The following FAM107A variants were observed in gnomAD, a reference collection of about 807,000 sequenced individuals.
FAM107A encodes actin-associated protein FAM107A.
In FAM107A, 19 loss-of-function variants were observed where a neutral mutation model predicts 13.7. That is an observed-to-expected ratio of 1.38 (90% confidence interval 0.97 to 2.03). The LOEUF (loss-of-function observed/expected upper bound fraction) is 2.03, where lower values mean the gene tolerates loss of function less well. Ranked by LOEUF, FAM107A falls within the 30% of genes most tolerant of loss-of-function variation. The pLI is 0.00. For missense variants in FAM107A, 203 were observed against 184.4 expected (o/e 1.10, Z -0.58); for synonymous variants, 82 against 74.5 (o/e 1.10, Z -0.52).
At position 58,566,534 on chromosome 3, in the gene FAM107A, TGAA is replaced by T; in HGVS notation, c.*51_*53del. The T allele has an allele frequency of 7.6e-7, 1 of 1,320,262 alleles. No homozygotes were observed. The highest frequency in any genetic ancestry group is 1.1e-6 in the Non-Finnish European group (1 of 915,984). The allele number at this position is 1,320,262 out of a possible 1,614,324, so 81.8% of individuals were successfully genotyped here. ...CCAGGGCTGCCAGGTACAGAAGGGC[TGAA>T]GGAGGCTGTCCAGGCCAGGGTGGGC... On this transcript the variant is annotated 3_prime_UTR_variant, in exon 4 of 4. Transcript: ENST00000360997.
chr3:58,589,169 C>A (rs1313873412), upstream of FAM107A: 1 of 1,384,520 alleles, frequency 7.2e-7, no homozygotes, highest in East Asian at 2.5e-5. Context: ...GGGATGGACT[C>A]TGGCCGCACC....
chr3:58,623,230 T>G (rs1184913269), intron 1 of FAM107A, among the ~76,000 whole-genome samples: 2 of 152,210 alleles, frequency 1.3e-5, no homozygotes, highest in East Asian at 3.8e-4. Context: ...TTTTTTCCCC[T>G]TTTGTTTCAG....
chr3:58,571,526 T>C (rs2063683805), intron 1 of FAM107A, among the ~76,000 whole-genome samples: 1 of 152,184 alleles, frequency 6.6e-6, no homozygotes, highest in South Asian at 2.1e-4. Context: ...TAAAAAGTGA[T>C]CATAATAGTA....
intron 1 of FAM107A, among the ~76,000 whole-genome samples, chr3:58,606,107 T>A (rs1326566934): frequency 6.6e-6 from 1 of 152,146 alleles, no homozygotes; most frequent in African/African-American, 2.4e-5. Context: ...TTTTTGTTTG[T>A]TTGTTTGAGA....
At chr3:58,610,844 G>T (rs915741890) in intron 1 of FAM107A, among the ~76,000 whole-genome samples, 1 of 152,172 alleles carries the variant, frequency 6.6e-6, no homozygotes, top group African/African-American at 2.4e-5. Context: ...AGATAATGCT[G>T]CCTCTGGTCT....
chr3:58,583,125 A>G lies in FAM107A; in HGVS notation c.79+3733T>C, dbSNP rs530751153. Among the ~76,000 whole-genome samples, 5 of 152,262 alleles carry G rather than the reference A, an allele frequency of 3.3e-5. No homozygotes were observed. In the South Asian group the frequency reaches 1.0e-3, roughly 32 times the overall value. Reference sequence around the variant, plus strand: ...AGCATTCAAGATTTTCATCCAACTGAAAAAAGTGGAATTAAAGACTAGAGT... The same window carrying G: ...AGCATTCAAGATTTTCATCCAACTGGAAAAAGTGGAATTAAAGACTAGAGT... On this transcript the variant is annotated intron_variant, in intron 1 of 3. Transcript: ENST00000447756.
upstream of FAM107A, among the ~76,000 whole-genome samples, chr3:58,589,495 T>TA (rs1333412878): frequency 6.6e-6 from 1 of 152,134 alleles, no homozygotes; most frequent in African/African-American, 2.4e-5. Flanking sequence ...TGCTCTTTTT[T>TA]AAAAAATAAA....
At chr3:58,586,920 C>T in exon 1 of FAM107A, 2 of 1,532,124 alleles carry the variant, frequency 1.3e-6, no homozygotes, top group East Asian at 4.9e-5. Flanking sequence ...GGCCCACTCG[C>T]CCAGCCTCTG....
intron 1 of FAM107A, among the ~76,000 whole-genome samples, chr3:58,598,137 C>T (rs768371624): frequency 6.6e-6 from 1 of 152,230 alleles, no homozygotes; most frequent in Non-Finnish European, 1.5e-5. Context: ...CGAGCCTCCA[C>T]CTCAGTGCTT....
intron 2 of FAM107A, 103 bp from the exon 3 acceptor site, chr3:58,567,467 T>G (rs2063634612): frequency 7.7e-7 from 1 of 1,302,040 alleles, no homozygotes; most frequent in Non-Finnish European, 1.0e-6. Flanking sequence ...TATTATCTTG[T>G]GCAATCCTCC....
At chr3:58,585,730 G>A (rs538297120) in intron 1 of FAM107A, among the ~76,000 whole-genome samples, 3 of 152,352 alleles carry the variant, frequency 2.0e-5, no homozygotes, top group African/African-American at 7.2e-5. Flanking sequence ...GCACGAGATA[G>A]CGTTTCACCT....
intron 1 of FAM107A, among the ~76,000 whole-genome samples, chr3:58,600,130 T>G (rs2065741671): frequency 6.6e-6 from 1 of 152,174 alleles, no homozygotes; most frequent in African/African-American, 2.4e-5. Context: ...GATTCCTTCT[T>G]CTGGGTCTTT....
intron 1 of FAM107A, chr3:58,627,025 C>T (rs2066024808): frequency 1.3e-6 from 2 of 1,535,668 alleles, no homozygotes; most frequent in Non-Finnish European, 8.7e-7. Context: ...CCTGGGTGGG[C>T]TGCAGGGGCC....
chr3:58,573,795 C>G (rs1173052052), intron 1 of FAM107A: 2 of 152,440 alleles, frequency 1.3e-5, no homozygotes, highest in Non-Finnish European at 2.9e-5. Flanking sequence ...AGCCTGGAAA[C>G]TACAGCCTTT....
Position 58,604,359 on chromosome 3 carries a change from G to A in FAM107A, c.-69-15090C>T, listed in dbSNP as rs768399685. ...ACCGGTTCTTCCAGGCCTCAGCTCA[G>A]AGCATGTCCTGGGCTGATAACAGGT... On this transcript the variant is annotated intron_variant, in intron 1 of 3. Coordinates refer to the FAM107A transcript ENST00000465970. This position sits in a 1 kb window ranked among gnomAD's most constrained non-coding sequence, Gnocchi z 4.1. Among the ~76,000 whole-genome samples, 5 of 152,102 alleles carry A rather than the reference G, an allele frequency of 3.3e-5. No individual in the cohort carries two copies. Among genetic ancestry groups the A allele is most frequent in the Admixed American group, 6.5e-5 (1 of 15,278 alleles).
chr3:58,607,952 G>A (rs967855630), intron 1 of FAM107A: 1 of 152,208 alleles, frequency 6.6e-6, no homozygotes, highest in African/African-American at 2.4e-5. Flanking sequence ...CCAGGTAAGC[G>A]GTGCCCAGAC....
chr3:58,585,878 C>T (rs3792398), intron 1 of FAM107A, among the ~76,000 whole-genome samples: 28,438 of 152,152 alleles, frequency 0.19, 3,385 homozygotes, highest in East Asian at 0.47. Context: ...ATTAGGTTAA[C>T]TTCATTTTTC....
intron 1 of FAM107A, among the ~76,000 whole-genome samples, chr3:58,624,500 C>T (rs748087966): frequency 1.2e-4 from 18 of 151,938 alleles, no homozygotes; most frequent in Non-Finnish European, 2.4e-4. Flanking sequence ...GGAGAGAACG[C>T]TGTCTCTCCT....
intron 1 of FAM107A, among the ~76,000 whole-genome samples, chr3:58,594,319 A>G (rs1481082127): frequency 2.0e-5 from 3 of 152,030 alleles, no homozygotes; most frequent in Non-Finnish European, 4.4e-5. Flanking sequence ...GTTTACTTGT[A>G]CCCAACCTCA....
Sources: allele counts gnomAD v4.1 joint callset (sites outside exome capture counted in the v4.1 genomes callset), GRCh38; gene constraint gnomAD v4.1.1; non-coding constraint Gnocchi (gnomAD v3.1); transcripts MANE v1.5; gene names NCBI Gene and HGNC (gene_info 2026-07-23, HGNC 2026-07-21).